The following RABGAP1L variants were observed in gnomAD, a reference collection of about 807,000 sequenced individuals.
The protein encoded by RABGAP1L is rab GTPase-activating protein 1-like.
RABGAP1L carries 63 observed loss-of-function variants against 137.7 expected under a neutral mutation model. The observed-to-expected ratio is 0.46, with a 90% CI of 0.37 to 0.56. The LOEUF (loss-of-function observed/expected upper bound fraction) is 0.56, where lower values mean the gene tolerates loss of function less well. Among genes scored for constraint, RABGAP1L ranks in the 20% least tolerant of loss-of-function variants. The pLI is 0.00. For synonymous variants in RABGAP1L, 431 were observed against 433.7 expected (o/e 0.99, Z 0.08); for missense variants, 1,095 against 1,244.0 (o/e 0.88, Z 1.80).
intron 24 of RABGAP1L, among the ~76,000 whole-genome samples, chr1:174,987,741 G>A (rs990452531): frequency 2.6e-5 from 4 of 152,196 alleles, no homozygotes; most frequent in Non-Finnish European, 5.9e-5. Flanking sequence ...ACTATTGTCT[G>A]GAAAACAGTT....
At chr1:174,944,644 T>TAAAAAA (rs71815856) in intron 19 of RABGAP1L, among the ~76,000 whole-genome samples, 2 of 119,646 alleles carry the variant, frequency 1.7e-5, no homozygotes, top group Non-Finnish European at 3.8e-5. Flanking sequence ...CTCAAAAAAT[T>TAAAAAA]AAAAAAAAAA....
chr1:174,966,705 A>G (rs1387375858), intron 20 of RABGAP1L, among the ~76,000 whole-genome samples: 1 of 152,222 alleles, frequency 6.6e-6, no homozygotes, highest in Non-Finnish European at 1.5e-5. Flanking sequence ...ACAGAATCTG[A>G]TGAGTACAAG....
chr1:174,293,409 A>C (rs1018200611), intron 10 of RABGAP1L, among the ~76,000 whole-genome samples: 3 of 152,164 alleles, frequency 2.0e-5, no homozygotes, highest in African/African-American at 7.2e-5. Flanking sequence ...TGTTTGCCAA[A>C]AAGATTTCTG....
chr1:174,301,268 C>T (rs1677677110), intron 10 of RABGAP1L, among the ~76,000 whole-genome samples: 1 of 151,702 alleles, frequency 6.6e-6, no homozygotes, highest in Non-Finnish European at 1.5e-5. Flanking sequence ...GAGGACACAG[C>T]ACCCAGGCAG....
chr1:174,788,180 A>G (rs1687599053), intron 18 of RABGAP1L, among the ~76,000 whole-genome samples: 1 of 152,206 alleles, frequency 6.6e-6, no homozygotes, highest in Non-Finnish European at 1.5e-5. Flanking sequence ...CTTCATTAAT[A>G]ATTAGACTTG....
rs558538412 is a variant in RABGAP1L, at chr1:174,633,284, T to C, written c.1711-4091T>C. Among the ~76,000 whole-genome samples, 167 of 144,838 alleles carry C rather than the reference T, an allele frequency of 1.2e-3. 1 individual carries two copies. The highest frequency in any genetic ancestry group is 4.3e-3 in the African/African-American group (162 of 38,100). On this transcript the variant is annotated intron_variant, in intron 13 of 25. Transcript: ENST00000681986. The stretch of plus-strand genomic sequence containing the variant: ...ATCATGAGTGAACTCCCATTCACAA[T>C]TGCTTCAAAGAGAATAAAATACCTA...
chr1:174,526,750 A>C (rs1663907516), intron 13 of RABGAP1L, among the ~76,000 whole-genome samples: 1 of 151,902 alleles, frequency 6.6e-6, no homozygotes, highest in Non-Finnish European at 1.5e-5. Context: ...GTGGTTTATC[A>C]ATTTTTTCTT....
Position 174,475,772 on chromosome 1 carries a change from T to TAAAAA in RABGAP1L, c.1710+81649_1710+81653dup, listed in dbSNP as rs61597461. 5.1e-4 allele frequency among the ~76,000 whole-genome samples: 36 copies of TAAAAA among 69,938 alleles called. 2 individuals are homozygous for TAAAAA. Among genetic ancestry groups the TAAAAA allele is most frequent in the East Asian group, 3.2e-3 (7 of 2,214 alleles). The allele number at this position is 69,938 out of a possible 152,430, so 45.9% of individuals were successfully genotyped here. A position where few individuals can be genotyped will look rare whatever the true frequency, so the allele number is the denominator to read the frequency against. Reference sequence around the variant, plus strand: ...AGTGACAGACTGAGACCCCGTGTCTTAAAAAAAAAAAAAAAAAAAAAAAAA... The same window carrying TAAAAA: ...AGTGACAGACTGAGACCCCGTGTCTTAAAAAAAAAAAAAAAAAAAAAAAAAAAAAA... On this transcript the variant is annotated intron_variant, in intron 13 of 25. Transcript: ENST00000681986.
intron 9 of RABGAP1L, among the ~76,000 whole-genome samples, chr1:174,278,190 G>C (rs1675167148): frequency 6.6e-6 from 1 of 152,126 alleles, no homozygotes. Flanking sequence ...ATCACCAGAG[G>C]TCAGGAGTTT....
intron 19 of RABGAP1L, among the ~76,000 whole-genome samples, chr1:174,892,896 A>ATT (rs748971722): frequency 1.7e-3 from 157 of 91,874 alleles, no homozygotes; most frequent in Non-Finnish European, 2.4e-3. Context: ...CACCCAGCTA[A>ATT]TTTTTTTTTT....
chr1:174,662,102 C>CTTT (rs749496325), intron 14 of RABGAP1L, among the ~76,000 whole-genome samples: 9,384 of 89,964 alleles, frequency 0.1, 545 homozygotes, highest in East Asian at 0.19. Flanking sequence ...CTTTTCTTTT[C>CTTT]TTTTTTTTTT....
At chr1:174,626,834 C>T (rs1005170609) in intron 13 of RABGAP1L, among the ~76,000 whole-genome samples, 8 of 152,116 alleles carry the variant, frequency 5.3e-5, no homozygotes, top group East Asian at 3.9e-4. Flanking sequence ...TAAATCAGAC[C>T]GACCACTGCA....
At chr1:174,533,092 G>A (rs1664576152) in intron 13 of RABGAP1L, among the ~76,000 whole-genome samples, 1 of 152,178 alleles carries the variant, frequency 6.6e-6, no homozygotes, top group Admixed American at 6.5e-5. Context: ...AAATTAGCCA[G>A]GCGTGGTGGG....
intron 13 of RABGAP1L, among the ~76,000 whole-genome samples, chr1:174,444,200 A>G (rs61826873): frequency 0.092 from 13,564 of 147,884 alleles, 824 homozygotes; most frequent in East Asian, 0.22. Context: ...TTTTTTTTCT[A>G]TTTATTTGAA....
At chr1:174,575,181 C>T (rs750028489) in intron 13 of RABGAP1L, among the ~76,000 whole-genome samples, 16 of 152,178 alleles carry the variant, frequency 1.1e-4, no homozygotes, top group African/African-American at 2.2e-4. Flanking sequence ...CCACCCACCT[C>T]GGCCTCCCAA....
At chr1:174,548,068 T>G in intron 13 of RABGAP1L, 2 of 1,549,454 alleles carry the variant, frequency 1.3e-6, no homozygotes, top group Non-Finnish European at 1.7e-6. Flanking sequence ...GCGTCAGTGC[T>G]CTTGGCAGCT....
intron 5 of RABGAP1L, among the ~76,000 whole-genome samples, chr1:174,243,448 A>T (rs1418318533): frequency 1.3e-5 from 2 of 152,198 alleles, no homozygotes; most frequent in African/African-American, 2.4e-5. Flanking sequence ...TAGTGGTAAA[A>T]TATATTGTTT....
intron 13 of RABGAP1L, among the ~76,000 whole-genome samples, chr1:174,627,881 T>G (rs1452695351): frequency 1.3e-5 from 2 of 152,186 alleles, no homozygotes; most frequent in Non-Finnish European, 2.9e-5. Flanking sequence ...ACTTTGCCTA[T>G]GAGTTACATT....
At chr1:174,570,838 A>G (rs1023648750) in intron 13 of RABGAP1L, among the ~76,000 whole-genome samples, 4 of 152,188 alleles carry the variant, frequency 2.6e-5, no homozygotes, top group South Asian at 2.1e-4. Flanking sequence ...AATTAGTACA[A>G]CCACCATGGA....
Sources: allele counts gnomAD v4.1 joint callset (sites outside exome capture counted in the v4.1 genomes callset), GRCh38; gene constraint gnomAD v4.1.1; transcripts MANE v1.5; gene names NCBI Gene and HGNC (gene_info 2026-07-23, HGNC 2026-07-21).